TRPV2: variants seen among roughly 807,000 people sequenced by gnomAD.
The protein encoded by TRPV2 is OTRPC2.
In TRPV2, 58 loss-of-function variants were observed where a neutral mutation model predicts 91.0. The ratio of observed to expected loss-of-function variants is 0.64; its 90% CI spans 0.52 to 0.79. The LOEUF is 0.79. TRPV2 is among the 30% of genes least tolerant of loss of function. TRPV2 has a pLI of 0.00. For synonymous variants in TRPV2, 417 were observed against 414.8 expected, an observed-to-expected ratio of 1.01 and a Z score of -0.06; for missense variants, 807 against 969.6, an observed-to-expected ratio of 0.83 and a Z score of 2.23.
intron 5 of TRPV2, among the ~76,000 whole-genome samples, chr17:16,424,906 T>C (rs2093375696): frequency 6.7e-6 from 1 of 148,500 alleles, no homozygotes; most frequent in African/African-American, 2.4e-5. Context: ...ATATAATACA[T>C]ATTATATGTA....
intron 13 of TRPV2, among the ~76,000 whole-genome samples, chr17:16,434,310 T>A (rs2142999872): frequency 6.6e-6 from 1 of 151,336 alleles, no homozygotes; most frequent in African/African-American, 2.4e-5. Context: ...CTACTAAAAA[T>A]ACAAAAAAGT....
intron 13 of TRPV2, among the ~76,000 whole-genome samples, chr17:16,434,368 C>T (rs897904563): frequency 9.3e-5 from 14 of 150,180 alleles, no homozygotes; most frequent in South Asian, 4.2e-4. Flanking sequence ...CTCAGGAGGC[C>T]GACGCAGGAG....
At chr17:16,419,081 T>C (rs951841258) in intron 2 of TRPV2, among the ~76,000 whole-genome samples, 6 of 151,996 alleles carry the variant, frequency 3.9e-5, no homozygotes, top group Non-Finnish European at 7.4e-5. Context: ...CACCAACCTT[T>C]ACTTGGTTGA....
chr17:16,431,283 A>ATATATG (rs2093410039), intron 10 of TRPV2, among the ~76,000 whole-genome samples: 1 of 51,284 alleles, frequency 1.9e-5, no homozygotes, highest in African/African-American at 7.2e-5. Context: ...ATATATATAT[A>ATATATG]TATACATATT....
In TRPV2 at chr17:16,427,547, G is replaced by C; in HGVS notation, c.1350G>C (p.Gln450His). ...LLGGIYLLVGQLWYFWRRHVF... is the reference protein window; with the variant it reads ...LLGGIYLLVGHLWYFWRRHVF... The stretch of plus-strand genomic sequence containing the variant: ...GGGGGATCTACCTCCTCGTGGGCCA[G>C]GTGAGTGCCCCTCCCCTTCTCCTAC... Residue 450 changes from glutamine (Q) to histidine (H), a missense_variant and splice_region_variant, in exon 8 of 15, where the codon CAG (glutamine) becomes CAC (histidine). Transcript: ENST00000338560. 1.3e-5 allele frequency: 21 copies of C among 1,609,890 alleles called. No individual in the cohort carries two copies. The highest frequency in any genetic ancestry group is 1.7e-5 in the Non-Finnish European group (20 of 1,177,334).
chr17:16,428,706 A>G (rs2093396316), intron 9 of TRPV2, 111 bp from the exon 10 acceptor site: 1 of 1,222,350 alleles, frequency 8.2e-7, no homozygotes, highest in Non-Finnish European at 1.2e-6. Context: ...AGGCCCACAG[A>G]GGTTAAATGT....
At chr17:16,433,276 C>T in intron 12 of TRPV2, 2 of 297,332 alleles carry the variant, frequency 6.7e-6, no homozygotes, top group East Asian at 1.7e-4. Flanking sequence ...AATCTGGAGC[C>T]TGGAACGATG....
chr17:16,420,064 G>T (rs1396022509), intron 2 of TRPV2, 51 bp from the exon 3 acceptor site: 2 of 1,588,460 alleles, frequency 1.3e-6, no homozygotes, highest in Middle Eastern at 2.1e-4. Context: ...GGGCTTTTGG[G>T]GGGGCCTGTG....
chr17:16,416,034 G>A (rs116584349), intron 1 of TRPV2: 2,869 of 152,648 alleles, frequency 0.019, 99 homozygotes, highest in African/African-American at 0.065. Context: ...CCAGGAGGTG[G>A]GGTGGGGGCT....
chr17:16,423,695 G>A lies in TRPV2; in HGVS notation c.852G>A (p.Val284=), dbSNP rs769697324. 6.2e-7 allele frequency: 1 copy of A among 1,613,566 alleles called. No homozygotes were observed. Among genetic ancestry groups the A allele is most frequent in the Non-Finnish European group, 8.5e-7 (1 of 1,179,660 alleles). ...LQAGARLCPT[V]QLEDIRNLQD... The stretch of plus-strand genomic sequence containing the variant: ...CTGGGGCCCGCCTCTGCCCTACCGT[G>A]CAGCTTGAGGACATCCGCAACCTGC... The change falls in exon 5 of 15, where the codon GTG becomes GTA. Residue 284 remains valine, a synonymous_variant. Transcript: ENST00000338560.
At chr17:16,416,578 G>A (rs1015008106) in intron 1 of TRPV2, 5 of 152,676 alleles carry the variant, frequency 3.3e-5, no homozygotes, top group African/African-American at 1.2e-4. Flanking sequence ...CACAGGCTAG[G>A]GGCCTCCCTC....
rs972313258 is a variant in TRPV2, at chr17:16,434,891, G to A, written c.2116G>A (p.Val706Met). 1 of 1,611,636 alleles carries A rather than the reference G, an allele frequency of 6.2e-7. No homozygotes were observed. Among genetic ancestry groups the A allele is most frequent in the Non-Finnish European group, 8.5e-7 (1 of 1,179,282 alleles). ...GSPDERWCFR[V>M]EEVNWASWEQ... Reference sequence around the variant, plus strand: ...TCAGAGCTGCTCTGTTGCCCTCAGGGTGGAGGAGGTGAACTGGGCTTCATG... The same window carrying A: ...TCAGAGCTGCTCTGTTGCCCTCAGGATGGAGGAGGTGAACTGGGCTTCATG... Residue 706 changes from valine (V) to methionine (M), a missense_variant and splice_region_variant, in exon 14 of 15, where the codon GTG becomes ATG. Transcript: ENST00000338560.
At chr17:16,430,597 T>A (rs1460621025) in intron 10 of TRPV2, among the ~76,000 whole-genome samples, 2 of 151,932 alleles carry the variant, frequency 1.3e-5, no homozygotes, top group Non-Finnish European at 2.9e-5. Context: ...GCGATTCTCC[T>A]GCCTCAGCCT....
At position 16,426,408 on chromosome 17, in the gene TRPV2, C is replaced by T. The variant is rs563044650; in HGVS notation, c.1095+139C>T. On this transcript the variant is annotated intron_variant, in intron 6 of 14. Transcript: ENST00000338560. The surrounding 1 kb of genome is among the most constrained non-coding windows in gnomAD (Gnocchi z 6.0). ...GTGTGGCTGCATGTCCCAGCAGGCA[C>T]GACCCTGACCATGGCCACCGGGCCC... 631 of 1,099,430 alleles carry T rather than the reference C, an allele frequency of 5.7e-4. 7 individuals carry two copies. The South Asian group carries it at 8.9e-3, about 15-fold the overall frequency. The allele number at this position is 1,099,430 out of a possible 1,614,324, so 68.1% of individuals were successfully genotyped here.
chr17:16,423,497 C>T lies in TRPV2; in HGVS notation c.654C>T (p.Cys218=), dbSNP rs1233364096. 6.2e-7 allele frequency: 1 copy of T among 1,612,876 alleles called. No individual in the cohort carries two copies. Among genetic ancestry groups the T allele is most frequent in the South Asian group, 1.1e-5 (1 of 90,948 alleles). ...AGCTACCCCTCTCTTTGGCCGCTTGCACCAAGCAGTGGGATGTGGTAAGCT... is the reference window on the plus strand; with the variant it reads ...AGCTACCCCTCTCTTTGGCCGCTTGTACCAAGCAGTGGGATGTGGTAAGCT... ...FGELPLSLAA[C]TKQWDVVSYL... Residue 218 remains cysteine (C), a synonymous_variant, in exon 5 of 15, where the codon TGC becomes TGT. Transcript: ENST00000338560.
chr17:16,431,911 C>T, intron 11 of TRPV2, 55 bp from the exon 12 acceptor site: 1 of 1,612,916 alleles, frequency 6.2e-7, no homozygotes. Context: ...CTGTACACTC[C>T]CAAGGCTGCC....
rs371267643 is a variant in TRPV2, at chr17:16,434,902, G to A, written c.2127G>A (p.Val709=). Residue 709 remains valine, a synonymous_variant, in exon 14 of 15, where the codon GTG becomes GTA. Transcript: ENST00000338560. ...CTGTTGCCCTCAGGGTGGAGGAGGT[G>A]AACTGGGCTTCATGGGAGCAGACGC... The part of the protein sequence containing the change: ...DERWCFRVEE[V]NWASWEQTLP... The A allele has an allele frequency of 6.2e-7, 1 of 1,612,072 alleles. No homozygotes were observed. The highest frequency in any genetic ancestry group is 1.1e-5 in the South Asian group (1 of 90,790).
intron 3 of TRPV2, among the ~76,000 whole-genome samples, chr17:16,420,941 T>C (rs1224007238): frequency 6.6e-6 from 1 of 152,082 alleles, no homozygotes; most frequent in Non-Finnish European, 1.5e-5. Context: ...AATACATCAG[T>C]ATATATTTAC....
chr17:16,434,383 G>A (rs889172867), intron 13 of TRPV2, among the ~76,000 whole-genome samples: 3 of 149,594 alleles, frequency 2.0e-5, no homozygotes, highest in Non-Finnish European at 4.4e-5. Flanking sequence ...CAGGAGAATG[G>A]CATGAACCTG....
Sources: allele counts gnomAD v4.1 joint callset (sites outside exome capture counted in the v4.1 genomes callset), GRCh38; gene constraint gnomAD v4.1.1; non-coding constraint Gnocchi (gnomAD v3.1); transcripts MANE v1.5; gene names NCBI Gene and HGNC (gene_info 2026-07-23, HGNC 2026-07-21).